The following COL24A1 variants were observed in gnomAD, a reference collection of about 807,000 sequenced individuals.
COL24A1 encodes the protein collagen alpha-1(XXIV) chain.
A neutral mutation model predicts 253.9 loss-of-function variants in COL24A1; 224 were observed. The observed-to-expected ratio is 0.88, with a 90% CI of 0.79 to 0.99. The LOEUF is 0.99. Among genes scored for constraint, COL24A1 ranks in the 50% least tolerant of loss-of-function variants. COL24A1 has a pLI of 0.00. For missense variants in COL24A1, 2,131 were observed against 2,068.5 expected, an observed-to-expected ratio of 1.03 and a Z score of -0.59; for synonymous variants, 685 against 673.7, an observed-to-expected ratio of 1.02 and a Z score of -0.26.
intron 12 of COL24A1, among the ~76,000 whole-genome samples, chr1:86,043,821 C>T (rs749204619): frequency 6.6e-5 from 10 of 152,238 alleles, no homozygotes; most frequent in South Asian, 4.1e-4. Flanking sequence ...CCACCATGCC[C>T]GGCTCAAACT....
chr1:86,120,229 T>C (rs927702373), intron 3 of COL24A1, among the ~76,000 whole-genome samples: 6 of 152,174 alleles, frequency 3.9e-5, no homozygotes, highest in Admixed American at 3.3e-4. Context: ...GACACAGGCA[T>C]GGGCAAGGAT....
At chr1:85,872,535 A>G (rs1320866500) in intron 35 of COL24A1, among the ~76,000 whole-genome samples, 1 of 152,100 alleles carries the variant, frequency 6.6e-6, no homozygotes, top group Non-Finnish European at 1.5e-5. Flanking sequence ...ATAACACCAC[A>G]TCTCTACAAC....
intron 45 of COL24A1, among the ~76,000 whole-genome samples, chr1:85,819,124 G>A (rs999654124): frequency 6.6e-5 from 10 of 152,094 alleles, no homozygotes; most frequent in Non-Finnish European, 1.3e-4. Context: ...GAAAACTATT[G>A]TACTTGTCTT....
At chr1:85,996,788 T>A (rs1694838785) in intron 19 of COL24A1, among the ~76,000 whole-genome samples, 1 of 152,082 alleles carries the variant, frequency 6.6e-6, no homozygotes, top group African/African-American at 2.4e-5. Context: ...AGAATGTATA[T>A]TCTGGAGACT....
intron 19 of COL24A1, among the ~76,000 whole-genome samples, chr1:86,015,053 T>C (rs976965058): frequency 1.4e-4 from 21 of 152,230 alleles, no homozygotes; most frequent in African/African-American, 5.1e-4. Flanking sequence ...GTTTTCAGGC[T>C]TGGTTTGCTA....
At chr1:86,013,576 C>T (rs1696731019) in intron 19 of COL24A1, among the ~76,000 whole-genome samples, 2 of 152,194 alleles carry the variant, frequency 1.3e-5, no homozygotes, top group Non-Finnish European at 2.9e-5. Flanking sequence ...TGGCTCATGC[C>T]TATAATCCCA....
chr1:86,107,516 T>A lies in COL24A1; in HGVS notation c.1599+5051A>T, dbSNP rs557079578. Among the ~76,000 whole-genome samples the A allele has an allele frequency of 6.7e-5, 4 of 59,616 alleles. No homozygotes were observed. In the Admixed American group the frequency reaches 6.9e-4, roughly 10 times the overall value. 39.1% of individuals were successfully genotyped at this position (59,616 alleles called of 152,430 possible). A position where few individuals can be genotyped will look rare whatever the true frequency, so the allele number is the denominator to read the frequency against. ...ATTTGTGACACAATGGTAATTTATT[T>A]ATTTATTTATTTATTTATTTATTTA... On this transcript the variant is annotated intron_variant, in intron 5 of 59. Transcript: ENST00000370571.
chr1:85,878,081 TATTCCATTGTATGG>T (rs1412527785), intron 32 of COL24A1, among the ~76,000 whole-genome samples: 81 of 152,364 alleles, frequency 5.3e-4, no homozygotes, highest in African/African-American at 1.8e-3. Context: ...TGCTGAATAA[TATTCCATTGTATGG>T]ATATACCACA....
intron 11 of COL24A1, among the ~76,000 whole-genome samples, chr1:86,049,472 C>T (rs910041353): frequency 6.6e-6 from 1 of 152,200 alleles, no homozygotes; most frequent in East Asian, 1.9e-4. Context: ...ATTTCAAATT[C>T]TATGACAATC....
chr1:85,887,151 T>C (rs556918675), intron 32 of COL24A1, among the ~76,000 whole-genome samples: 3 of 152,216 alleles, frequency 2.0e-5, no homozygotes, highest in East Asian at 1.9e-4. Flanking sequence ...AGCAAGCTTA[T>C]GAAGAGTTAA....
At chr1:86,005,988 C>G (rs759623040) in intron 19 of COL24A1, among the ~76,000 whole-genome samples, 6 of 151,928 alleles carry the variant, frequency 3.9e-5, no homozygotes, top group Non-Finnish European at 8.8e-5. Flanking sequence ...TTATTAGCAC[C>G]AACTAATACT....
intron 7 of COL24A1, among the ~76,000 whole-genome samples, chr1:86,079,522 GA>G (rs1342464956): frequency 7.9e-5 from 12 of 152,068 alleles, no homozygotes. Flanking sequence ...AAACAACCCA[GA>G]AAATAGGAGA....
chr1:86,060,067 T>C (rs1700967226), intron 8 of COL24A1, among the ~76,000 whole-genome samples: 1 of 152,118 alleles, frequency 6.6e-6, no homozygotes, highest in African/African-American at 2.4e-5. Context: ...GAATTTGCAA[T>C]CTGTATTCTT....
intron 24 of COL24A1, among the ~76,000 whole-genome samples, chr1:85,932,538 A>G (rs1335992428): frequency 8.6e-6 from 1 of 115,914 alleles, no homozygotes; most frequent in Non-Finnish European, 1.7e-5. Flanking sequence ...GCGATTCCTC[A>G]GGGATCTAGA....
chr1:86,091,427 C>T (rs1703483110), intron 6 of COL24A1, among the ~76,000 whole-genome samples: 1 of 151,574 alleles, frequency 6.6e-6, no homozygotes, highest in Non-Finnish European at 1.5e-5. Context: ...TTTCTGTAAG[C>T]CAATAAGATC....
At chr1:85,990,663 G>C (rs1158856124) in intron 19 of COL24A1, among the ~76,000 whole-genome samples, 3 of 152,214 alleles carry the variant, frequency 2.0e-5, no homozygotes, top group African/African-American at 7.2e-5. Context: ...GGTATCAAAA[G>C]TAGAGTCATA....
intron 2 of COL24A1, among the ~76,000 whole-genome samples, chr1:86,130,690 T>C (rs796144216): frequency 8.6e-5 from 13 of 152,032 alleles, no homozygotes; most frequent in African/African-American, 2.6e-4. Flanking sequence ...ATTTCTTTCA[T>C]CTAATTTACC....
intron 5 of COL24A1, among the ~76,000 whole-genome samples, chr1:86,105,406 G>T (rs2102079184): frequency 6.6e-6 from 1 of 152,310 alleles, no homozygotes; most frequent in East Asian, 1.9e-4. Context: ...CCGCTCTGCT[G>T]GTCAGGCACA....
chr1:85,933,046 C>G (rs1226652223), intron 24 of COL24A1, among the ~76,000 whole-genome samples: 1 of 129,540 alleles, frequency 7.7e-6, no homozygotes, highest in African/African-American at 3.0e-5. Flanking sequence ...ATGTAACTAA[C>G]CTGCACAATG....
Sources: allele counts gnomAD v4.1 joint callset (sites outside exome capture counted in the v4.1 genomes callset), GRCh38; gene constraint gnomAD v4.1.1; transcripts MANE v1.5; gene names NCBI Gene and HGNC (gene_info 2026-07-23, HGNC 2026-07-21).